IGF1: variants seen among roughly 807,000 people sequenced by gnomAD.
IGF1 encodes the protein insulin like growth factor 1, also known as insulin-like growth factor 1.
A neutral mutation model predicts 13.8 loss-of-function variants in IGF1; 4 were observed. The ratio of observed to expected loss-of-function variants is 0.29; its 90% CI spans 0.14 to 0.66. The LOEUF is 0.66. IGF1 is among the 30% of genes least tolerant of loss of function. IGF1 has a pLI of 0.78. For synonymous variants in IGF1, 76 were observed against 72.6 expected, an observed-to-expected ratio of 1.05 and a Z score of -0.23; for missense variants, 124 against 188.5, an observed-to-expected ratio of 0.66 and a Z score of 2.00.
At chr12:102,474,941 GT>G (rs1488122602) in intron 2 of IGF1, among the ~76,000 whole-genome samples, 2 of 152,120 alleles carry the variant, frequency 1.3e-5, no homozygotes, top group East Asian at 3.9e-4. Context: ...AAGTGATTCT[GT>G]ACTTGTCAGA....
Position 102,396,938 on chromosome 12 carries a change from C to T in IGF1, c.*5569G>A, listed in dbSNP as rs1873238976. On this transcript the variant is annotated 3_prime_UTR_variant, in exon 4 of 4. Coordinates refer to ENST00000337514, the MANE Select transcript of IGF1 (RefSeq NM_000618.5). The stretch of plus-strand genomic sequence containing the variant: ...AACACATGGGCAGGGTGTGGTGGCT[C>T]ATGCCTGTAATCCCAGCAATTTGGG... The T allele has an allele frequency of 1.0e-5, 4 of 398,314 alleles. No individual in the cohort carries two copies. In the East Asian group the frequency reaches 1.1e-4, roughly 11 times the overall value. 24.7% of individuals were successfully genotyped at this position (398,314 alleles called of 1,614,324 possible).
chr12:102,417,567 T>G, intron 3 of IGF1: 1 of 1,215,562 alleles, frequency 8.2e-7, no homozygotes, highest in Non-Finnish European at 1.0e-6. Context: ...CTTTTATAAT[T>G]TTTATTTTTT....
At position 102,448,546 on chromosome 12, in the gene IGF1, G is replaced by C. The variant is rs1288752874; in HGVS notation, c.220+27097C>G. Among the ~76,000 whole-genome samples the C allele has an allele frequency of 4.6e-5, 5 of 107,938 alleles. No individual in the cohort carries two copies. The South Asian group carries it at 1.3e-3, about 28-fold the overall frequency. 70.8% of individuals were successfully genotyped at this position (107,938 alleles called of 152,430 possible). On this transcript the variant is annotated intron_variant, in intron 2 of 3. Transcript: ENST00000337514. ...ACACTCTGGGGACTGTGGTGGGGTG[G>C]GGGGAGGGGGGAGGGATAGCATTGG...
At chr12:102,459,847 A>T (rs1027902433) in intron 2 of IGF1, among the ~76,000 whole-genome samples, 3 of 152,172 alleles carry the variant, frequency 2.0e-5, no homozygotes, top group Non-Finnish European at 4.4e-5. Context: ...TTTGTGTCTT[A>T]TTTATATAAA....
chr12:102,426,094 T>C (rs1876178360), intron 2 of IGF1, among the ~76,000 whole-genome samples: 1 of 152,198 alleles, frequency 6.6e-6, no homozygotes. Context: ...TTAGAACATA[T>C]TACAGAATTT....
chr12:102,446,544 G>A (rs1243567740), intron 2 of IGF1, among the ~76,000 whole-genome samples: 1 of 152,148 alleles, frequency 6.6e-6, no homozygotes, highest in African/African-American at 2.4e-5. Context: ...ATGGTAGTTT[G>A]TATTTCTGTG....
At chr12:102,444,191 G>A (rs28682289) in intron 2 of IGF1, among the ~76,000 whole-genome samples, 4,184 of 151,986 alleles carry the variant, frequency 0.028, 95 homozygotes, top group African/African-American at 0.042. Flanking sequence ...CAAGAGGGAG[G>A]GGGCAGAGTG....
Position 102,431,207 on chromosome 12 carries a change from C to T in IGF1, c.221-11517G>A, listed in dbSNP as rs370297072. On this transcript the variant is annotated intron_variant, in intron 2 of 3. Coordinates refer to ENST00000337514, the MANE Select transcript of IGF1 (RefSeq NM_000618.5). ...CTTGAAGCTTAGTTAAGTTCTCTAACGTGATTTAAACACAGTGCAGAAAAC... is the reference window on the plus strand; with the variant it reads ...CTTGAAGCTTAGTTAAGTTCTCTAATGTGATTTAAACACAGTGCAGAAAAC... Among the ~76,000 whole-genome samples the T allele has an allele frequency of 3.2e-4, 49 of 152,296 alleles. 1 individual carries two copies. The highest frequency in any genetic ancestry group is 7.5e-4 in the African/African-American group (31 of 41,564).
chr12:102,410,165 A>G (rs917686757), intron 3 of IGF1, among the ~76,000 whole-genome samples: 2 of 152,138 alleles, frequency 1.3e-5, no homozygotes, highest in African/African-American at 4.8e-5. Flanking sequence ...GATGTAAAAA[A>G]TCTCTATCAA....
chr12:102,441,035 C>T (rs75531137), intron 2 of IGF1, among the ~76,000 whole-genome samples: 1 of 152,104 alleles, frequency 6.6e-6, no homozygotes, highest in East Asian at 1.9e-4. Flanking sequence ...GAATATGCTT[C>T]AGCTATCCCC....
At chr12:102,403,221 C>T (rs868474635) in intron 3 of IGF1, among the ~76,000 whole-genome samples, 3 of 152,192 alleles carry the variant, frequency 2.0e-5, no homozygotes, top group Middle Eastern at 6.8e-3. Flanking sequence ...ACAATAATAT[C>T]TACCTTATAG....
intron 2 of IGF1, among the ~76,000 whole-genome samples, chr12:102,452,875 A>G (rs973388239): frequency 6.6e-6 from 1 of 152,222 alleles, no homozygotes; most frequent in African/African-American, 2.4e-5. Flanking sequence ...GGCCCTAAAA[A>G]GAAAACAGCA....
intron 2 of IGF1, among the ~76,000 whole-genome samples, chr12:102,441,906 G>GCTGCTGCTGCTTCTTCTTCTTCCT: frequency 2.0e-5 from 2 of 100,292 alleles, no homozygotes; most frequent in African/African-American, 7.9e-5. Flanking sequence ...CTATTACACT[G>GCTGCTGCTGCTTCTTCTTCTTCCT]CTTCTTCTCC....
intron 2 of IGF1, among the ~76,000 whole-genome samples, chr12:102,469,074 A>G (rs576158504): frequency 2.6e-5 from 4 of 152,314 alleles, no homozygotes; most frequent in Admixed American, 2.6e-4. Context: ...GCCACTGGAG[A>G]TAGGATACAT....
At chr12:102,451,007 G>A (rs1454188314) in intron 2 of IGF1, among the ~76,000 whole-genome samples, 1 of 152,114 alleles carries the variant, frequency 6.6e-6, no homozygotes, top group East Asian at 1.9e-4. Flanking sequence ...TGGTGTCAGT[G>A]GATAACAAGG....
intron 1 of IGF1, among the ~76,000 whole-genome samples, chr12:102,477,591 T>C (rs779502681): frequency 6.6e-5 from 10 of 151,158 alleles, no homozygotes; most frequent in South Asian, 2.1e-4. Flanking sequence ...AATATTTCCA[T>C]TGGAAACCTC....
At chr12:102,429,715 T>C (rs1473221155) in intron 2 of IGF1, among the ~76,000 whole-genome samples, 6 of 152,234 alleles carry the variant, frequency 3.9e-5, no homozygotes, top group Non-Finnish European at 1.5e-5. Flanking sequence ...ATTCTCAGCT[T>C]ATGATATTGG....
rs192951196 is a variant in IGF1 at position 102,453,157 on chromosome 12, C to T, written c.220+22486G>A. ...GCTTTTGCCTTTAGAAGCACTGCTGCCATTAGCATTCTTTTACAGTCAAGC... is the reference window on the plus strand; with the variant it reads ...GCTTTTGCCTTTAGAAGCACTGCTGTCATTAGCATTCTTTTACAGTCAAGC... On this transcript the variant is annotated intron_variant, in intron 2 of 3. Coordinates refer to ENST00000337514, the MANE Select transcript of IGF1 (RefSeq NM_000618.5). 5.0e-3 allele frequency among the ~76,000 whole-genome samples: 764 copies of T among 152,186 alleles called. 19 individuals are homozygous for T. Among genetic ancestry groups the T allele is most frequent in the Non-Finnish European group, 1.4e-3 (92 of 68,012 alleles).
intron 2 of IGF1, among the ~76,000 whole-genome samples, chr12:102,469,468 G>A (rs1439249153): frequency 1.3e-5 from 2 of 152,168 alleles, no homozygotes; most frequent in African/African-American, 4.8e-5. Flanking sequence ...AGTCTGTGAA[G>A]GGTCTTGTAC....
Sources: allele counts gnomAD v4.1 joint callset (sites outside exome capture counted in the v4.1 genomes callset), GRCh38; gene constraint gnomAD v4.1.1; transcripts MANE v1.5; gene names NCBI Gene and HGNC (gene_info 2026-07-23, HGNC 2026-07-21).